The following MPRIP variants were observed in gnomAD, a reference collection of about 807,000 sequenced individuals.
MPRIP encodes the protein myosin phosphatase Rho-interacting protein.
Under a neutral mutation model 234.9 loss-of-function variants are expected in MPRIP, and 59 were observed. The observed-to-expected ratio is 0.25, with a 90% CI of 0.20 to 0.31. The LOEUF (loss-of-function observed/expected upper bound fraction) is 0.31. Among genes scored for constraint, MPRIP ranks in the 10% least tolerant of loss-of-function variants. The pLI is 1.00. For missense variants in MPRIP, 2,436 were observed against 3,071.0 expected (o/e 0.79, Z 4.89); for synonymous variants, 1,144 against 1,263.9 (o/e 0.91, Z 2.01).
chr17:17,106,159 G>A (rs1338013517), intron 3 of MPRIP, among the ~76,000 whole-genome samples: 4 of 152,208 alleles, frequency 2.6e-5, no homozygotes, highest in African/African-American at 9.6e-5. Flanking sequence ...GCACGGGGTG[G>A]CCTCACCACC....
At chr17:17,154,157 T>C in intron 12 of MPRIP, 149 bp from the exon 13 acceptor site, 1 of 636,920 alleles carries the variant, frequency 1.6e-6, no homozygotes, top group Non-Finnish European at 2.8e-6. Flanking sequence ...GTCCCAGTAG[T>C]GGGCACATGT....
chr17:17,173,839 G>A, intron 18 of MPRIP, 77 bp from the exon 19 acceptor site: 1 of 1,543,884 alleles, frequency 6.5e-7, no homozygotes, highest in Non-Finnish European at 8.9e-7. Context: ...GCTGTGTCTG[G>A]TGTCAAGGAG....
At chr17:17,102,357 G>A (rs977671269) in intron 3 of MPRIP, among the ~76,000 whole-genome samples, 3 of 152,238 alleles carry the variant, frequency 2.0e-5, no homozygotes, top group South Asian at 4.1e-4. Context: ...CAGGCATTGT[G>A]GGAGATGCCA....
intron 1 of MPRIP, among the ~76,000 whole-genome samples, chr17:17,071,239 C>T (rs2089186163): frequency 6.6e-6 from 1 of 152,136 alleles, no homozygotes. Flanking sequence ...CAGAGTAAGG[C>T]GGTTCTTGTC....
intron 1 of MPRIP, among the ~76,000 whole-genome samples, chr17:17,067,468 T>A (rs1277496173): frequency 6.6e-6 from 1 of 152,160 alleles, no homozygotes; most frequent in Non-Finnish European, 1.5e-5. Context: ...AGGCTCCACA[T>A]CCTGGGAAGA....
intron 23 of MPRIP, chr17:17,181,730 A>G (rs1001642138): frequency 2.0e-5 from 3 of 152,230 alleles, no homozygotes; most frequent in African/African-American, 7.2e-5. Context: ...CTTTTGGACC[A>G]TGTCTATAAG....
Position 17,173,916 on chromosome 17 carries a change from G to A in MPRIP, c.6591G>A (p.Leu2197=). 6.2e-7 allele frequency: 1 copy of A among 1,613,446 alleles called. No homozygotes were observed. Reference sequence around the variant, plus strand: ...GGAGTGAGTGCTGCCCTCTCCCCAGGGAGGAGCTGCAGTCGGTGCAGCGGG... The same window carrying A: ...GGAGTGAGTGCTGCCCTCTCCCCAGAGAGGAGCTGCAGTCGGTGCAGCGGG... ...SDVEALRRQY[L]EELQSVQREL... Residue 2197 remains leucine, a splice_region_variant and synonymous_variant, in exon 19 of 24, where the codon CTG becomes CTA. Transcript: ENST00000651222.
intron 3 of MPRIP, among the ~76,000 whole-genome samples, chr17:17,089,145 C>T (rs2089657413): frequency 6.6e-6 from 1 of 152,242 alleles, no homozygotes; most frequent in Non-Finnish European, 1.5e-5. Context: ...TGTTTGTTTC[C>T]TGTGGCCACT....
chr17:17,131,763 G>A, intron 5 of MPRIP, 62 bp downstream of exon 5: 3 of 1,481,402 alleles, frequency 2.0e-6, no homozygotes, highest in Non-Finnish European at 2.8e-6. Flanking sequence ...GAAGAAGTGA[G>A]GGCTCCCTGA....
At chr17:17,128,175 G>C (rs2090529764) in intron 4 of MPRIP, among the ~76,000 whole-genome samples, 1 of 152,174 alleles carries the variant, frequency 6.6e-6, no homozygotes, top group African/African-American at 2.4e-5. Flanking sequence ...CTGTTGGCCG[G>C]GCAGCACACA....
At chr17:17,077,878 A>T in intron 2 of MPRIP, 133 bp from the exon 3 acceptor site, 1 of 843,162 alleles carries the variant, frequency 1.2e-6, no homozygotes, top group Non-Finnish European at 2.0e-6. Context: ...TTTTCCTGCC[A>T]CCTGCCCCAG....
chr17:17,099,422 G>A (rs567130500), intron 3 of MPRIP, among the ~76,000 whole-genome samples: 1 of 152,306 alleles, frequency 6.6e-6, no homozygotes, highest in South Asian at 2.1e-4. Flanking sequence ...TTCCTACTAA[G>A]AGTCCTTAAA....
At chr17:17,069,027 G>GA (rs1331605167) in intron 1 of MPRIP, among the ~76,000 whole-genome samples, 1 of 152,122 alleles carries the variant, frequency 6.6e-6, no homozygotes, top group Non-Finnish European at 1.5e-5. Flanking sequence ...GAGGGATGTT[G>GA]AAGTCTCCAA....
intron 1 of MPRIP, among the ~76,000 whole-genome samples, chr17:17,048,880 T>A (rs1424978162): frequency 1.3e-5 from 2 of 152,224 alleles, no homozygotes; most frequent in Admixed American, 1.3e-4. Flanking sequence ...GATACTTGTA[T>A]ACAAATGTTC....
At chr17:17,170,088 C>T (rs572276576) in intron 16 of MPRIP, 3 of 150,756 alleles carry the variant, frequency 2.0e-5, no homozygotes, top group Admixed American at 1.3e-4. Context: ...TAGTTGTGCT[C>T]GTTTTAGCAG....
intron 16 of MPRIP, chr17:17,168,276 A>G (rs1277299125): frequency 3.7e-6 from 1 of 271,360 alleles, no homozygotes; most frequent in Non-Finnish European, 7.2e-6. Flanking sequence ...TGCCCCGGGA[A>G]CCCCGTCTGG....
chr17:17,083,358 C>G (rs1294211495), intron 3 of MPRIP, among the ~76,000 whole-genome samples: 1 of 152,162 alleles, frequency 6.6e-6, no homozygotes, highest in African/African-American at 2.4e-5. Context: ...TCAGAGCACT[C>G]CAGGTGCAGA....
chr17:17,163,305 G>A (rs2045911924), intron 15 of MPRIP, among the ~76,000 whole-genome samples: 2 of 152,180 alleles, frequency 1.3e-5, no homozygotes, highest in African/African-American at 2.4e-5. Context: ...CTTAGGCTGG[G>A]CTCGGCTCAC....
chr17:17,189,589 A>ATTATACT lies in MPRIP; in HGVS notation c.*4697_*4703dup, dbSNP rs1336033092. On this transcript the variant is annotated 3_prime_UTR_variant, in exon 24 of 24. Transcript: ENST00000651222. The stretch of plus-strand genomic sequence containing the variant: ...TCTATAAAGAATGGAAATGTATGAT[A>ATTATACT]TTATACTTCAAAGGAATTTGATGTT... 3 of 152,222 alleles carry ATTATACT rather than the reference A, an allele frequency of 2.0e-5. No homozygotes were observed. Among genetic ancestry groups the ATTATACT allele is most frequent in the Admixed American group, 1.3e-4 (2 of 15,286 alleles). 9.4% of individuals were successfully genotyped at this position (152,222 alleles called of 1,614,324 possible).
Sources: allele counts gnomAD v4.1 joint callset (sites outside exome capture counted in the v4.1 genomes callset), GRCh38; gene constraint gnomAD v4.1.1; transcripts MANE v1.5; gene names NCBI Gene and HGNC (gene_info 2026-07-23, HGNC 2026-07-21).